Variants in RD3 observed in about 807,000 individuals in gnomAD.
The protein encoded by RD3 is RD3 regulator of GUCY2D.
RD3 carries 11 observed loss-of-function variants against 16.9 expected under a neutral mutation model. The ratio of observed to expected loss-of-function variants is 0.65; its 90% confidence interval spans 0.41 to 1.08. RD3 has a LOEUF of 1.08. Among genes scored for constraint, RD3 ranks in the 50% least tolerant of loss-of-function variants. The probability of loss-of-function intolerance (pLI) is 0.00; values close to 1 mark genes in which losing one functional copy is unlikely to be tolerated. For missense variants in RD3, 274 were observed against 267.4 expected (o/e 1.02, Z -0.17); for synonymous variants, 116 against 114.8 (o/e 1.01, Z -0.07).
intron 1 of RD3, among the ~76,000 whole-genome samples, chr1:211,491,266 C>G (rs1297427685): frequency 6.6e-6 from 1 of 152,228 alleles, no homozygotes; most frequent in Non-Finnish European, 1.5e-5. Flanking sequence ...GAGGCACATC[C>G]ATCACCCTCG....
intron 1 of RD3, among the ~76,000 whole-genome samples, chr1:211,483,514 C>T (rs535507934): frequency 9.9e-5 from 15 of 152,164 alleles, no homozygotes; most frequent in African/African-American, 3.6e-4. Context: ...AGCCTATCAC[C>T]AATGGAGGCT....
Position 211,479,456 on chromosome 1 carries a change from G to A in RD3, c.297-129C>T, listed in dbSNP as rs982812131. ...TAGTCCACTCTACTCTGCTCCTGAAGCGAATCAGGAACCACCCCACGCTGC... is the reference window on the plus strand; with the variant it reads ...TAGTCCACTCTACTCTGCTCCTGAAACGAATCAGGAACCACCCCACGCTGC... On this transcript the variant is annotated intron_variant, in intron 2 of 2. Transcript: ENST00000680073. 4.9e-6 allele frequency: 4 copies of A among 822,944 alleles called. No individual in the cohort carries two copies. In the African/African-American group the frequency reaches 6.9e-5, roughly 14 times the overall value. 51.0% of individuals were successfully genotyped at this position (822,944 alleles called of 1,614,324 possible).
rs557049124 is a variant in RD3 at position 211,490,112 on chromosome 1, C to T, written c.-12+1656G>A. On this transcript the variant is annotated intron_variant, in intron 1 of 2. Coordinates refer to ENST00000680073, the MANE Select transcript of RD3 (RefSeq NM_001164688.2). Reference sequence around the variant, plus strand: ...GTTAGCTGTGCTGGAAAAACTCTCGCGTTGTGCCTCAAGGGCAAGAGGAGT... The same window carrying T: ...GTTAGCTGTGCTGGAAAAACTCTCGTGTTGTGCCTCAAGGGCAAGAGGAGT... Among the ~76,000 whole-genome samples the T allele has an allele frequency of 5.9e-5, 9 of 152,314 alleles. No homozygotes were observed. In the South Asian group the frequency reaches 1.5e-3, roughly 25 times the overall value.
intron 1 of RD3, among the ~76,000 whole-genome samples, chr1:211,490,542 C>T (rs1024591899): frequency 3.9e-5 from 6 of 152,244 alleles, no homozygotes; most frequent in East Asian, 1.9e-4. Flanking sequence ...TGACGCCAGA[C>T]GCTCAGTCTG....
intron 1 of RD3, among the ~76,000 whole-genome samples, chr1:211,484,069 C>T (rs1445647246): frequency 6.6e-6 from 1 of 152,138 alleles, no homozygotes; most frequent in East Asian, 1.9e-4. Flanking sequence ...TTCCCATCTC[C>T]GAGGTAGATG....
chr1:211,490,381 G>A (rs775410517), intron 1 of RD3, among the ~76,000 whole-genome samples: 9 of 152,370 alleles, frequency 5.9e-5, no homozygotes, highest in Admixed American at 1.3e-4. Context: ...AACCCGGCCC[G>A]GGTCCTCCAC....
intron 1 of RD3, among the ~76,000 whole-genome samples, chr1:211,487,566 C>T (rs1705399661): frequency 2.0e-5 from 3 of 152,324 alleles, no homozygotes; most frequent in South Asian, 2.1e-4. Flanking sequence ...CATGTTTATG[C>T]ATATTCAAGT....
At chr1:211,489,463 C>T (rs895852389) in intron 1 of RD3, among the ~76,000 whole-genome samples, 19 of 151,780 alleles carry the variant, frequency 1.3e-4, no homozygotes, top group Admixed American at 2.6e-4. Flanking sequence ...CTGGTATGCT[C>T]ATCACTACTA....
chr1:211,478,386 T>C lies in RD3; in HGVS notation c.*650A>G. On this transcript the variant is annotated 3_prime_UTR_variant, in exon 3 of 3. Coordinates refer to ENST00000680073, the MANE Select transcript of RD3 (RefSeq NM_001164688.2). ...GGATTCCAAACTCAGGAACAGACACTATTCATGCAGGAACAATCTCACTGT... is the reference window on the plus strand; with the variant it reads ...GGATTCCAAACTCAGGAACAGACACCATTCATGCAGGAACAATCTCACTGT... 1 of 391,282 alleles carries C rather than the reference T, an allele frequency of 2.6e-6. No homozygotes were observed. The highest frequency in any genetic ancestry group is 4.5e-6 in the Non-Finnish European group (1 of 222,138). The allele number at this position is 391,282 out of a possible 1,614,324, so 24.2% of individuals were successfully genotyped here.
intron 1 of RD3, among the ~76,000 whole-genome samples, chr1:211,484,807 C>T (rs890380234): frequency 9.9e-5 from 15 of 152,192 alleles, no homozygotes; most frequent in African/African-American, 3.4e-4. Context: ...CTTGCAAACA[C>T]GTGTGGGGAC....
At chr1:211,485,304 C>T (rs1241265334) in intron 1 of RD3, among the ~76,000 whole-genome samples, 2 of 152,174 alleles carry the variant, frequency 1.3e-5, no homozygotes, top group Non-Finnish European at 2.9e-5. Context: ...TGTTCTGAGT[C>T]ATCTCCTCCC....
At chr1:211,490,721 G>A (rs573108830) in intron 1 of RD3, among the ~76,000 whole-genome samples, 37 of 152,236 alleles carry the variant, frequency 2.4e-4, no homozygotes, top group African/African-American at 7.5e-4. Context: ...AGATATGAGC[G>A]GGCCTGACCT....
At chr1:211,479,796 A>T (rs1475693729) in intron 2 of RD3, among the ~76,000 whole-genome samples, 1 of 152,174 alleles carries the variant, frequency 6.6e-6, no homozygotes. Context: ...GCTGTTTGCC[A>T]TGCACAGGGG....
At chr1:211,487,912 A>G (rs572782795) in intron 1 of RD3, among the ~76,000 whole-genome samples, 2 of 152,324 alleles carry the variant, frequency 1.3e-5, no homozygotes, top group East Asian at 1.9e-4. Context: ...AGAGGGGGGA[A>G]AACAAGCAGA....
intron 1 of RD3, among the ~76,000 whole-genome samples, chr1:211,482,281 T>C (rs1705285140): frequency 6.6e-6 from 1 of 151,848 alleles, no homozygotes; most frequent in Admixed American, 6.6e-5. Context: ...CCACCATTCA[T>C]TCATTCAGCA....
chr1:211,487,792 G>A (rs1429391578), intron 1 of RD3, among the ~76,000 whole-genome samples: 12 of 152,332 alleles, frequency 7.9e-5, no homozygotes, highest in Non-Finnish European at 2.9e-5. Flanking sequence ...AGACTGAGGC[G>A]CAGGGCTGAG....
chr1:211,488,695 G>T (rs1165955204), intron 1 of RD3, among the ~76,000 whole-genome samples: 1 of 152,196 alleles, frequency 6.6e-6, no homozygotes, highest in Non-Finnish European at 1.5e-5. Context: ...TCCATCTTGG[G>T]GTCCTTAGTA....
At position 211,477,871 on chromosome 1, in the gene RD3, A is replaced by G; in HGVS notation, c.*1165T>C. On this transcript the variant is annotated 3_prime_UTR_variant, in exon 3 of 3. Transcript: ENST00000680073. ...CCCCCTTACACCCCACTTCAACCCC[A>G]GAGTGTGTGGGAAGGCCTCCTGGCC... The G allele has an allele frequency of 2.6e-6, 1 of 379,748 alleles. No individual in the cohort carries two copies. Among genetic ancestry groups the G allele is most frequent in the Non-Finnish European group, 4.7e-6 (1 of 215,004 alleles). 23.5% of individuals were successfully genotyped at this position (379,748 alleles called of 1,614,324 possible).
Position 211,479,207 on chromosome 1 carries a change from C to A in RD3, c.417G>T (p.Thr139=). ...CGCGGGGCCGCAGGCTCCACTGGCG[C>A]GTCAGCTTGTGGGCCTCCTCTTCCT... is the stretch of plus-strand genomic sequence containing the variant. ...MKQEEEAHKL[T]RQWSLRPRGS... The change falls in exon 3 of 3, where the codon ACG becomes ACT. Residue 139 remains threonine, a synonymous_variant. Coordinates refer to ENST00000680073, the MANE Select transcript of RD3 (RefSeq NM_001164688.2). 2 of 1,611,438 alleles carry A rather than the reference C, an allele frequency of 1.2e-6. No individual in the cohort carries two copies. Among genetic ancestry groups the A allele is most frequent in the Non-Finnish European group, 1.7e-6 (2 of 1,179,096 alleles).
Sources: allele counts gnomAD v4.1 joint callset (sites outside exome capture counted in the v4.1 genomes callset), GRCh38; gene constraint gnomAD v4.1.1; transcripts MANE v1.5; gene names NCBI Gene and HGNC (gene_info 2026-07-23, HGNC 2026-07-21).